H2BC7: variants seen among roughly 807,000 people sequenced by gnomAD.
The protein encoded by H2BC7 is H2B clustered histone 7, also known as histone H2B type 1-C/E/F/G/I.
Under a neutral mutation model 6.0 loss-of-function variants are expected in H2BC7, and 15 were observed. The ratio of observed to expected loss-of-function variants is 2.48; its 90% confidence interval spans 1.66 to 3.82. The LOEUF is 3.82. Among genes scored for constraint, H2BC7 ranks in the 30% most tolerant of loss-of-function variants. The pLI is 0.00. For synonymous variants in H2BC7, 148 were observed against 70.7 expected, an observed-to-expected ratio of 2.09 and a Z score of -5.49; for missense variants, 227 against 169.4, an observed-to-expected ratio of 1.34 and a Z score of -1.89.
Position 26,199,898 on chromosome 6 carries a change from G to T in H2BC7, c.340G>T (p.Glu114Ter), listed in dbSNP as rs1243144112. 2 of 1,614,266 alleles carry T rather than the reference G, an allele frequency of 1.2e-6. No individual in the cohort carries two copies. Among genetic ancestry groups the T allele is most frequent in the Non-Finnish European group, 1.7e-6 (2 of 1,180,048 alleles). Residue 114 changes from glutamate (E) to a stop codon, truncating the protein, a stop_gained, in exon 1 of 1, where the codon GAG (glutamate) becomes TAG (stop). Coordinates refer to ENST00000356530, the MANE Select transcript of H2BC7 (RefSeq NM_003522.4). LOFTEE classifies it high-confidence loss of function. The stretch of plus-strand genomic sequence containing the variant: ...GGAGCTGGCTAAGCACGCCGTGTCA[G>T]AGGGCACCAAGGCCGTCACCAAGTA... ...PGELAKHAVS[E>*]GTKAVTKYTS...
At position 26,199,611 on chromosome 6, in the gene H2BC7, CG is replaced by C. The variant is rs1254862831; in HGVS notation, c.55del (p.Val19Ter). 2 of 1,614,198 alleles carry C rather than the reference CG, an allele frequency of 1.2e-6. No homozygotes were observed. Among genetic ancestry groups the C allele is most frequent in the Non-Finnish European group, 1.7e-6 (2 of 1,180,032 alleles). The part of the protein sequence containing the change: ...APAPKKGSKK[A>X]VTKAQKKDGK... ...GCTCCAAAAAAGGGCTCCAAAAAGGCGGTGACCAAGGCGCAGAAGAAGGATG... is the reference window on the plus strand; with the variant it reads ...GCTCCAAAAAAGGGCTCCAAAAAGGCGTGACCAAGGCGCAGAAGAAGGATG... On this transcript the variant is annotated frameshift_variant, in exon 1 of 1. Coordinates refer to ENST00000356530, the MANE Select transcript of H2BC7 (RefSeq NM_003522.4). LOFTEE classifies it high-confidence loss of function.
At position 26,199,682 on chromosome 6, in the gene H2BC7, G is replaced by T. The variant is rs200231907; in HGVS notation, c.124G>T (p.Val42Leu). 1.9e-6 allele frequency: 3 copies of T among 1,614,242 alleles called. No individual in the cohort carries two copies. The highest frequency in any genetic ancestry group is 1.7e-5 in the Admixed American group (1 of 60,022). The part of the protein sequence containing the change: ...RSRKESYSVY[V>L]YKVLKQVHPD... ...CCGCAAGGAGAGCTATTCCGTGTACGTGTACAAGGTGCTAAAGCAGGTCCA... is the reference window on the plus strand; with the variant it reads ...CCGCAAGGAGAGCTATTCCGTGTACTTGTACAAGGTGCTAAAGCAGGTCCA... Residue 42 changes from valine to leucine, a missense_variant, in exon 1 of 1, where the codon GTG becomes TTG. Coordinates refer to ENST00000356530, the MANE Select transcript of H2BC7 (RefSeq NM_003522.4).
Position 26,199,633 on chromosome 6 carries a change from G to GGAT in H2BC7, c.77_79dup (p.Asp26dup), listed in dbSNP as rs773496427. 6.2e-7 allele frequency: 1 copy of GGAT among 1,614,244 alleles called. No homozygotes were observed. The highest frequency in any genetic ancestry group is 1.1e-5 in the South Asian group (1 of 91,092). ...AGGCGGTGACCAAGGCGCAGAAGAA[G>GGAT]GATGGTAAGAAGCGCAAGCGTAGCC... On this transcript the variant is annotated inframe_insertion, in exon 1 of 1. Transcript: ENST00000356530.
At position 26,199,896 on chromosome 6, in the gene H2BC7, C is replaced by T. The variant is rs563912649; in HGVS notation, c.338C>T (p.Ser113Leu). The stretch of plus-strand genomic sequence containing the variant: ...GGGGAGCTGGCTAAGCACGCCGTGT[C>T]AGAGGGCACCAAGGCCGTCACCAAG... ...LPGELAKHAVSEGTKAVTKYT... is the reference protein window; with the variant it reads ...LPGELAKHAVLEGTKAVTKYT... Residue 113 changes from serine to leucine, a missense_variant, in exon 1 of 1, where the codon TCA becomes TTA. Coordinates refer to ENST00000356530, the MANE Select transcript of H2BC7 (RefSeq NM_003522.4). The T allele has an allele frequency of 3.7e-6, 6 of 1,614,140 alleles. No homozygotes were observed. The highest frequency in any genetic ancestry group is 5.1e-6 in the Non-Finnish European group (6 of 1,180,056).
At position 26,199,981 on chromosome 6, in the gene H2BC7, G is replaced by A. The variant is rs760673281; in HGVS notation, c.*42G>A. On this transcript the variant is annotated 3_prime_UTR_variant, in exon 1 of 1. Coordinates refer to ENST00000356530, the MANE Select transcript of H2BC7 (RefSeq NM_003522.4). ...CCCAATCCCAAAGGCTCTTTTAAGA[G>A]CCACCCACTTTTTCAGCTATAGAGT... 5 of 1,603,590 alleles carry A rather than the reference G, an allele frequency of 3.1e-6. No individual in the cohort carries two copies. In the East Asian group the frequency reaches 8.9e-5, roughly 29 times the overall value.
At position 26,199,868 on chromosome 6, in the gene H2BC7, C is replaced by T. The variant is rs1407740186; in HGVS notation, c.310C>T (p.Pro104Ser). ...EIQTAVRLLL[P>S]GELAKHAVSE... Reference sequence around the variant, plus strand: ...CCAGACGGCCGTACGCCTGCTGCTGCCCGGGGAGCTGGCTAAGCACGCCGT... The same window carrying T: ...CCAGACGGCCGTACGCCTGCTGCTGTCCGGGGAGCTGGCTAAGCACGCCGT... Residue 104 changes from proline (P) to serine (S), a missense_variant, in exon 1 of 1, where the codon CCC becomes TCC. By Grantham distance (74) the Pro-to-Ser change is moderately conservative. Coordinates refer to ENST00000356530, the MANE Select transcript of H2BC7 (RefSeq NM_003522.4). 1.9e-6 allele frequency: 3 copies of T among 1,614,236 alleles called. No individual in the cohort carries two copies. Among genetic ancestry groups the T allele is most frequent in the Non-Finnish European group, 2.5e-6 (3 of 1,180,026 alleles).
In H2BC7 at chr6:26,199,810, C is replaced by T. The variant is rs541006586; in HGVS notation, c.252C>T (p.Tyr84=). ...IAGEASRLAH[Y]NKRSTITSRE... ...GCGAGGCTTCCCGCCTGGCGCATTACAACAAGCGCTCCACCATCACCTCCA... is the reference window on the plus strand; with the variant it reads ...GCGAGGCTTCCCGCCTGGCGCATTATAACAAGCGCTCCACCATCACCTCCA... Residue 84 remains tyrosine, a synonymous_variant, in exon 1 of 1, where the codon TAC becomes TAT. Coordinates refer to ENST00000356530, the MANE Select transcript of H2BC7 (RefSeq NM_003522.4). 3.5e-5 allele frequency: 56 copies of T among 1,614,152 alleles called. No individual in the cohort carries two copies. In the Admixed American group the frequency reaches 9.3e-4, roughly 27 times the overall value.
rs968559631 is a variant in H2BC7, at chr6:26,199,717, C to G, written c.159C>G (p.Thr53=). The change falls in exon 1 of 1, where the codon ACC becomes ACG. Residue 53 remains threonine (T), a synonymous_variant. Transcript: ENST00000356530. ...TGCTAAAGCAGGTCCACCCCGACAC[C>G]GGCATCTCATCCAAGGCCATGGGCA... ...YKVLKQVHPD[T]GISSKAMGIM... is the part of the protein sequence containing the mutation. 8 of 1,614,244 alleles carry G rather than the reference C, an allele frequency of 5.0e-6. No individual in the cohort carries two copies. Among genetic ancestry groups the G allele is most frequent in the Non-Finnish European group, 6.8e-6 (8 of 1,180,046 alleles).
At position 26,199,722 on chromosome 6, in the gene H2BC7, T is replaced by A; in HGVS notation, c.164T>A (p.Ile55Asn). The A allele has an allele frequency of 6.2e-7, 1 of 1,614,232 alleles. No individual in the cohort carries two copies. Among genetic ancestry groups the A allele is most frequent in the Non-Finnish European group, 8.5e-7 (1 of 1,180,040 alleles). ...AAGCAGGTCCACCCCGACACCGGCA[T>A]CTCATCCAAGGCCATGGGCATCATG... ...VLKQVHPDTGISSKAMGIMNS... is the reference protein window; with the variant it reads ...VLKQVHPDTGNSSKAMGIMNS... Residue 55 changes from isoleucine (I) to asparagine (N), a missense_variant, in exon 1 of 1, where the codon ATC (isoleucine) becomes AAC (asparagine). By Grantham distance (149) the Ile-to-Asn change is moderately radical (BLOSUM62 -3). Transcript: ENST00000356530.
In H2BC7 at chr6:26,199,853, G is replaced by A. The variant is rs751119821; in HGVS notation, c.295G>A (p.Val99Ile). The change falls in exon 1 of 1, where the codon GTA becomes ATA. Residue 99 changes from valine to isoleucine, a missense_variant. Coordinates refer to ENST00000356530, the MANE Select transcript of H2BC7 (RefSeq NM_003522.4). The part of the protein sequence containing the change: ...TITSREIQTA[V>I]RLLLPGELAK... ...CACCTCCAGGGAGATCCAGACGGCC[G>A]TACGCCTGCTGCTGCCCGGGGAGCT... 2 of 1,614,208 alleles carry A rather than the reference G, an allele frequency of 1.2e-6. No individual in the cohort carries two copies. The highest frequency in any genetic ancestry group is 1.3e-5 in the African/African-American group (1 of 75,064).
chr6:26,199,771 C>T lies in H2BC7; in HGVS notation c.213C>T (p.Phe71=), dbSNP rs149014137. ...GIMNSFVNDI[F]ERIAGEASRL... ...TGAACTCCTTCGTCAACGATATCTT[C>T]GAGCGCATCGCTGGCGAGGCTTCCC... The change falls in exon 1 of 1, where the codon TTC becomes TTT. Residue 71 remains phenylalanine (F), a synonymous_variant. Coordinates refer to ENST00000356530, the MANE Select transcript of H2BC7 (RefSeq NM_003522.4). 5.6e-6 allele frequency: 9 copies of T among 1,614,146 alleles called. No homozygotes were observed. In the African/African-American group the frequency reaches 6.7e-5, roughly 12 times the overall value.
Position 26,199,925 on chromosome 6 carries a change from A to T in H2BC7, c.367A>T (p.Thr123Ser), listed in dbSNP as rs1402992711. 1 of 1,614,196 alleles carries T rather than the reference A, an allele frequency of 6.2e-7. No homozygotes were observed. The highest frequency in any genetic ancestry group is 2.2e-5 in the East Asian group (1 of 44,878). The change falls in exon 1 of 1, where the codon ACC becomes TCC. Residue 123 changes from threonine (T) to serine (S), a missense_variant. Physicochemically the swap from Thr to Ser is moderately conservative, Grantham distance 58. Coordinates refer to ENST00000356530, the MANE Select transcript of H2BC7 (RefSeq NM_003522.4). Reference protein sequence around the residue: ...SEGTKAVTKYTSSK With the variant: ...SEGTKAVTKYSSSK ...GGGCACCAAGGCCGTCACCAAGTAC[A>T]CCAGCTCTAAGTAATTCTAACGTCT...
Position 26,199,537 on chromosome 6 carries a change from G to C in H2BC7, c.-22G>C. The C allele has an allele frequency of 4.4e-6, 7 of 1,608,562 alleles. No homozygotes were observed. The highest frequency in any genetic ancestry group is 5.9e-6 in the Non-Finnish European group (7 of 1,178,328). On this transcript the variant is annotated 5_prime_UTR_variant, in exon 1 of 1. Coordinates refer to ENST00000356530, the MANE Select transcript of H2BC7 (RefSeq NM_003522.4). ...GGACACTTGCATTTCTCTTTAGGTT[G>C]TGGACGAAGTGTTTATTTATCATGC...
In H2BC7 at chr6:26,199,738, G is replaced by A. The variant is rs1765089564; in HGVS notation, c.180G>A (p.Met60Ile). 6.2e-7 allele frequency: 1 copy of A among 1,614,236 alleles called. No individual in the cohort carries two copies. The part of the protein sequence containing the change: ...HPDTGISSKA[M>I]GIMNSFVNDI... Reference sequence around the variant, plus strand: ...ACACCGGCATCTCATCCAAGGCCATGGGCATCATGAACTCCTTCGTCAACG... The same window carrying A: ...ACACCGGCATCTCATCCAAGGCCATAGGCATCATGAACTCCTTCGTCAACG... Residue 60 changes from methionine to isoleucine, a missense_variant, in exon 1 of 1, where the codon ATG (methionine) becomes ATA (isoleucine). Coordinates refer to ENST00000356530, the MANE Select transcript of H2BC7 (RefSeq NM_003522.4).
Position 26,199,522 on chromosome 6 carries a change from A to G in H2BC7, c.-37A>G, listed in dbSNP as rs541860922. The G allele has an allele frequency of 6.9e-6, 11 of 1,597,766 alleles. No homozygotes were observed. The highest frequency in any genetic ancestry group is 3.3e-4 in the Middle Eastern group (2 of 5,986). On this transcript the variant is annotated 5_prime_UTR_variant, in exon 1 of 1. Coordinates refer to ENST00000356530, the MANE Select transcript of H2BC7 (RefSeq NM_003522.4). The stretch of plus-strand genomic sequence containing the variant: ...CCAGCTGCAGAGTGAGGACACTTGC[A>G]TTTCTCTTTAGGTTGTGGACGAAGT...
rs61750967 is a variant in H2BC7, at chr6:26,199,822, C to T, written c.264C>T (p.Ser88=). 2.5e-6 allele frequency: 4 copies of T among 1,614,118 alleles called. No individual in the cohort carries two copies. The highest frequency in any genetic ancestry group is 3.4e-6 in the Non-Finnish European group (4 of 1,180,052). ...ASRLAHYNKR[S]TITSREIQTA... ...GCCTGGCGCATTACAACAAGCGCTC[C>T]ACCATCACCTCCAGGGAGATCCAGA... Residue 88 remains serine (S), a synonymous_variant, in exon 1 of 1, where the codon TCC becomes TCT. Transcript: ENST00000356530.
Position 26,199,716 on chromosome 6 carries a change from C to A in H2BC7, c.158C>A (p.Thr53Asn). ...GTGCTAAAGCAGGTCCACCCCGACA[C>A]CGGCATCTCATCCAAGGCCATGGGC... ...YKVLKQVHPD[T>N]GISSKAMGIM... is the part of the protein sequence containing the mutation. The change falls in exon 1 of 1, where the codon ACC becomes AAC. Residue 53 changes from threonine (T) to asparagine (N), a missense_variant. By Grantham distance (65) the Thr-to-Asn change is moderately conservative. Coordinates refer to ENST00000356530, the MANE Select transcript of H2BC7 (RefSeq NM_003522.4). 1 of 1,614,268 alleles carries A rather than the reference C, an allele frequency of 6.2e-7. No individual in the cohort carries two copies. Among genetic ancestry groups the A allele is most frequent in the Non-Finnish European group, 8.5e-7 (1 of 1,180,050 alleles).
Position 26,199,774 on chromosome 6 carries a change from G to A in H2BC7, c.216G>A (p.Glu72=), listed in dbSNP as rs762395577. 32 of 1,614,116 alleles carry A rather than the reference G, an allele frequency of 2.0e-5. No individual in the cohort carries two copies. Among genetic ancestry groups the A allele is most frequent in the African/African-American group, 5.3e-5 (4 of 74,932 alleles). The change falls in exon 1 of 1, where the codon GAG becomes GAA. Residue 72 remains glutamate (E), a synonymous_variant. Transcript: ENST00000356530. The part of the protein sequence containing the change: ...IMNSFVNDIF[E]RIAGEASRLA... ...ACTCCTTCGTCAACGATATCTTCGA[G>A]CGCATCGCTGGCGAGGCTTCCCGCC...
Position 26,199,606 on chromosome 6 carries a change from A to C in H2BC7, c.48A>C (p.Lys16Asn). 1 of 1,614,212 alleles carries C rather than the reference A, an allele frequency of 6.2e-7. No homozygotes were observed. The highest frequency in any genetic ancestry group is 8.5e-7 in the Non-Finnish European group (1 of 1,180,030). The change falls in exon 1 of 1, where the codon AAA (lysine) becomes AAC (asparagine). Residue 16 changes from lysine to asparagine, a missense_variant. By Grantham distance (94) the Lys-to-Asn change is moderately conservative (BLOSUM62 0). Transcript: ENST00000356530. ...KSAPAPKKGS[K>N]KAVTKAQKKD... ...CTCCTGCTCCAAAAAAGGGCTCCAA[A>C]AAGGCGGTGACCAAGGCGCAGAAGA...
Sources: allele counts gnomAD v4.1 joint callset, GRCh38; gene constraint gnomAD v4.1.1; transcripts MANE v1.5; gene names NCBI Gene and HGNC (gene_info 2026-07-23, HGNC 2026-07-21).